The following NOL10 variants were observed in gnomAD, a reference collection of about 807,000 sequenced individuals.
NOL10 encodes the protein H_NH0074G24.1.
NOL10 carries 58 observed loss-of-function variants against 103.5 expected under a neutral mutation model. The ratio of observed to expected loss-of-function variants is 0.56; its 90% CI spans 0.45 to 0.70. The LOEUF is 0.70. Among genes scored for constraint, NOL10 ranks in the 30% least tolerant of loss-of-function variants. The pLI, the probability that NOL10 is intolerant of heterozygous loss-of-function variation, is 0.00. For synonymous variants in NOL10, 287 were observed against 282.5 expected, an observed-to-expected ratio of 1.02 and a Z score of -0.16; for missense variants, 763 against 807.3, an observed-to-expected ratio of 0.95 and a Z score of 0.67.
intron 5 of NOL10, among the ~76,000 whole-genome samples, chr2:10,672,791 G>A (rs1394256980): frequency 1.3e-5 from 2 of 152,136 alleles, no homozygotes; most frequent in Non-Finnish European, 2.9e-5. Context: ...TCAAGAGTTT[G>A]AGACCAGCCT....
intron 7 of NOL10, 113 bp from the exon 8 acceptor site, chr2:10,667,391 C>T (rs1299489746): frequency 1.3e-6 from 1 of 761,828 alleles, no homozygotes; most frequent in Non-Finnish European, 2.3e-6. Flanking sequence ...AGAAGACACA[C>T]AGATTCTCTC....
intron 13 of NOL10, among the ~76,000 whole-genome samples, chr2:10,609,775 C>T (rs1238948136): frequency 6.6e-6 from 1 of 152,174 alleles, no homozygotes; most frequent in Non-Finnish European, 1.5e-5. Flanking sequence ...CTCCCTAAAA[C>T]AGCAATCTTT....
chr2:10,682,137 T>C, intron 2 of NOL10, 68 bp from the exon 3 acceptor site: 1 of 622,702 alleles, frequency 1.6e-6, no homozygotes, highest in Non-Finnish European at 2.5e-6. Context: ...AGAAGACAAA[T>C]GGGTACCAAG....
chr2:10,679,617 TCTTTCTC>T (rs1448261204), intron 3 of NOL10, among the ~76,000 whole-genome samples: 24 of 143,372 alleles, frequency 1.7e-4, no homozygotes, highest in African/African-American at 5.6e-4. Context: ...TCTTTCTCTC[TCTTTCTC>T]TCTCTTTCTT....
intron 1 of NOL10, among the ~76,000 whole-genome samples, chr2:10,687,483 G>C (rs1682299503): frequency 6.6e-6 from 1 of 152,098 alleles, no homozygotes; most frequent in Non-Finnish European, 1.5e-5. Flanking sequence ...CAAATGCTAA[G>C]ACTGCCTCAG....
intron 1 of NOL10, among the ~76,000 whole-genome samples, chr2:10,685,494 C>A (rs867724195): frequency 0.012 from 186 of 15,244 alleles, 34 homozygotes; most frequent in African/African-American, 0.034. Flanking sequence ...TCCGTCCCCC[C>A]CCCCCCCCCC....
At chr2:10,607,454 T>TAATG (rs905271497) in intron 13 of NOL10, 143 bp from the exon 14 acceptor site, 1 of 879,658 alleles carries the variant, frequency 1.1e-6, no homozygotes, top group African/African-American at 1.7e-5. Flanking sequence ...GCAGTATGTA[T>TAATG]AATGAACAAG....
intron 1 of NOL10, among the ~76,000 whole-genome samples, chr2:10,688,908 T>C (rs979226773): frequency 6.6e-6 from 1 of 152,236 alleles, no homozygotes; most frequent in Admixed American, 6.5e-5. Flanking sequence ...CTCCAAATTT[T>C]TGTAGAAGCA....
At chr2:10,636,444 A>AAC (rs1678230882) in intron 13 of NOL10, among the ~76,000 whole-genome samples, 1 of 140,050 alleles carries the variant, frequency 7.1e-6, no homozygotes, top group Non-Finnish European at 1.6e-5. Context: ...AAAAAAAAAA[A>AAC]AACACCAAAC....
At chr2:10,640,403 A>T (rs1323409007) in intron 13 of NOL10, among the ~76,000 whole-genome samples, 1 of 152,216 alleles carries the variant, frequency 6.6e-6, no homozygotes, top group Non-Finnish European at 1.5e-5. Flanking sequence ...GTCAGAAAGG[A>T]ACACTGAAGT....
rs371793955 is a variant in NOL10 at position 10,600,849 on chromosome 2, T to A, written c.1422+4A>T. 3.4e-5 allele frequency: 52 copies of A among 1,532,844 alleles called. 2 individuals are homozygous for A. The East Asian group carries it at 5.8e-4, about 17-fold the overall frequency. 95.0% of individuals were successfully genotyped at this position (1,532,844 alleles called of 1,614,324 possible). A position where few individuals can be genotyped will look rare whatever the true frequency, so the allele number is the denominator to read the frequency against. On this transcript the variant is annotated splice_donor_region_variant and intron_variant, in intron 17 of 20. Coordinates refer to ENST00000381685, the MANE Select transcript of NOL10 (RefSeq NM_024894.4). Reference sequence around the variant, plus strand: ...AACAATTTGCCGATACTTTTTCACCTTACCTTAACTTTCTTTTTCCATGTA... The same window carrying A: ...AACAATTTGCCGATACTTTTTCACCATACCTTAACTTTCTTTTTCCATGTA...
intron 2 of NOL10, among the ~76,000 whole-genome samples, chr2:10,682,746 C>G (rs565657437): frequency 6.6e-6 from 1 of 151,716 alleles, no homozygotes; most frequent in Non-Finnish European, 1.5e-5. Context: ...AAAAATCCAA[C>G]TTTTTTTTCT....
At position 10,659,348 on chromosome 2, in the gene NOL10, G is replaced by C. The variant is rs371829846; in HGVS notation, c.678-98C>G. 99 of 484,310 alleles carry C rather than the reference G, an allele frequency of 2.0e-4. 5 individuals carry two copies. Among genetic ancestry groups the C allele is most frequent in the South Asian group, 9.7e-4 (55 of 56,776 alleles). The allele number at this position is 484,310 out of a possible 1,614,324, so 30.0% of individuals were successfully genotyped here. The stretch of plus-strand genomic sequence containing the variant: ...TCTTCACTTCAAATCTAATGGGGGG[G>C]GGGGGGAGGAATCACATTTCTAGGC... On this transcript the variant is annotated intron_variant, in intron 9 of 20. Coordinates refer to ENST00000381685, the MANE Select transcript of NOL10 (RefSeq NM_024894.4).
chr2:10,689,677 G>C, intron 1 of NOL10, 119 bp downstream of exon 1: 1 of 1,022,592 alleles, frequency 9.8e-7, no homozygotes, highest in Non-Finnish European at 1.5e-6. Flanking sequence ...GCCTCCCCGA[G>C]TCGGGGGGTG....
chr2:10,660,668 T>C (rs1412040797), intron 9 of NOL10, among the ~76,000 whole-genome samples: 1 of 152,180 alleles, frequency 6.6e-6, no homozygotes, highest in Non-Finnish European at 1.5e-5. Flanking sequence ...TAGAATGTTT[T>C]TCCATTTATA....
At chr2:10,671,072 G>C (rs1483283675) in intron 6 of NOL10, among the ~76,000 whole-genome samples, 1 of 152,026 alleles carries the variant, frequency 6.6e-6, no homozygotes, top group Non-Finnish European at 1.5e-5. Flanking sequence ...TTTTAAACTA[G>C]AGTCCATAAC....
intron 3 of NOL10, among the ~76,000 whole-genome samples, chr2:10,678,432 A>AC (rs1681482646): frequency 7.0e-6 from 1 of 142,668 alleles, no homozygotes; most frequent in South Asian, 2.2e-4. Context: ...AAAAAAAAAA[A>AC]AAAACACTAA....
chr2:10,682,828 A>C (rs1036638250), intron 2 of NOL10, among the ~76,000 whole-genome samples: 2 of 151,980 alleles, frequency 1.3e-5, no homozygotes, highest in Non-Finnish European at 2.9e-5. Context: ...CCTGTTGTCC[A>C]AGCTGGAGTG....
intron 19 of NOL10, among the ~76,000 whole-genome samples, chr2:10,584,282 G>C (rs1030355425): frequency 2.6e-5 from 4 of 152,164 alleles, no homozygotes; most frequent in Non-Finnish European, 4.4e-5. Context: ...CTAGAATGCT[G>C]GTATGCTCGC....
Sources: allele counts gnomAD v4.1 joint callset (sites outside exome capture counted in the v4.1 genomes callset), GRCh38; gene constraint gnomAD v4.1.1; transcripts MANE v1.5; gene names NCBI Gene and HGNC (gene_info 2026-07-23, HGNC 2026-07-21).